The following STAG1 variants were observed in gnomAD, a reference collection of about 807,000 sequenced individuals.
STAG1 encodes the protein STAG1 cohesin complex component.
In STAG1, 26 loss-of-function variants were observed where a neutral mutation model predicts 170.9. The observed-to-expected ratio is 0.15, with a 90% CI of 0.11 to 0.21. The LOEUF (loss-of-function observed/expected upper bound fraction) is 0.21, where lower values mean the gene tolerates loss of function less well. Among genes scored for constraint, STAG1 ranks in the 10% least tolerant of loss-of-function variants. STAG1 has a pLI of 1.00. For synonymous variants in STAG1, 514 were observed against 497.7 expected (o/e 1.03, Z -0.44); for missense variants, 964 against 1,509.5 (o/e 0.64, Z 5.99).
intron 31 of STAG1, among the ~76,000 whole-genome samples, chr3:136,341,038 A>C (rs984552897): frequency 1.3e-5 from 2 of 152,056 alleles, no homozygotes; most frequent in Non-Finnish European, 2.9e-5. Context: ...CCTCCTGAGT[A>C]GCTGGGATTA....
chr3:136,662,245 G>A (rs1456838928), intron 1 of STAG1, among the ~76,000 whole-genome samples: 2 of 150,876 alleles, frequency 1.3e-5, no homozygotes, highest in South Asian at 2.1e-4. Flanking sequence ...TCTGCCTCCT[G>A]GGTTCAAACG....
chr3:136,643,570 G>A (rs369194391), intron 1 of STAG1, among the ~76,000 whole-genome samples: 6 of 152,054 alleles, frequency 3.9e-5, no homozygotes, highest in Non-Finnish European at 8.8e-5. Flanking sequence ...GTGCAACAGC[G>A]CAATCTCAGC....
At chr3:136,537,557 G>A (rs1935698122) in intron 6 of STAG1, among the ~76,000 whole-genome samples, 1 of 149,532 alleles carries the variant, frequency 6.7e-6, no homozygotes, top group Non-Finnish European at 1.5e-5. Context: ...CTGGAGTGTG[G>A]TGGCGTGATC....
intron 30 of STAG1, among the ~76,000 whole-genome samples, chr3:136,342,610 T>C (rs1014518042): frequency 6.6e-6 from 1 of 152,272 alleles, no homozygotes; most frequent in Non-Finnish European, 1.5e-5. Context: ...GCCTCCTGAA[T>C]AGTTGGGATC....
At chr3:136,651,031 G>C (rs756709320) in intron 1 of STAG1, among the ~76,000 whole-genome samples, 87 of 151,970 alleles carry the variant, frequency 5.7e-4, no homozygotes, top group Non-Finnish European at 5.3e-4. Flanking sequence ...GATGACAATG[G>C]ATCGTTCTGT....
intron 1 of STAG1, among the ~76,000 whole-genome samples, chr3:136,672,074 C>T (rs1046280847): frequency 1.1e-4 from 17 of 152,158 alleles, no homozygotes; most frequent in African/African-American, 4.1e-4. Flanking sequence ...AAATAAATAT[C>T]CAGAAACATT....
At chr3:136,403,224 TAAAAAAAAAAAAAAAA>T (rs55678408) in intron 21 of STAG1, among the ~76,000 whole-genome samples, 5 of 33,602 alleles carry the variant, frequency 1.5e-4, no homozygotes, top group African/African-American at 3.0e-4. Context: ...GAGACTGTCT[TAAAAAAAAAAAAAAAA>T]AAAAAAAAAA....
intron 29 of STAG1, among the ~76,000 whole-genome samples, chr3:136,346,739 A>G (rs1056301051): frequency 2.6e-5 from 4 of 152,248 alleles, no homozygotes; most frequent in Non-Finnish European, 4.4e-5. Context: ...AAATGATATA[A>G]CGCATGTTAA....
intron 3 of STAG1, among the ~76,000 whole-genome samples, chr3:136,616,553 A>G (rs1939606235): frequency 6.6e-6 from 1 of 152,204 alleles, no homozygotes; most frequent in African/African-American, 2.4e-5. Flanking sequence ...TTAAGCTCCA[A>G]AAAAATTTTT....
chr3:136,622,983 G>A (rs1939934600), intron 3 of STAG1, among the ~76,000 whole-genome samples, 163 bp downstream of exon 3: 1 of 152,100 alleles, frequency 6.6e-6, no homozygotes, highest in Admixed American at 6.6e-5. Context: ...TCCTTTTTCT[G>A]ATCACTGCCA....
At chr3:136,579,957 A>ATTT (rs1162464973) in intron 4 of STAG1, among the ~76,000 whole-genome samples, 4 of 95,626 alleles carry the variant, frequency 4.2e-5, no homozygotes, top group Admixed American at 2.0e-4. Context: ...ATACCATCTG[A>ATTT]ATTTTTTTTT....
At chr3:136,408,913 G>A (rs2087554573) in intron 21 of STAG1, among the ~76,000 whole-genome samples, 1 of 152,114 alleles carries the variant, frequency 6.6e-6, no homozygotes, top group Non-Finnish European at 1.5e-5. Context: ...GCTCAGTCAT[G>A]GAAATAAGTG....
chr3:136,489,784 A>G (rs1576523751), intron 9 of STAG1, among the ~76,000 whole-genome samples: 1 of 152,256 alleles, frequency 6.6e-6, no homozygotes, highest in South Asian at 2.1e-4. Flanking sequence ...ACTTGAGAAT[A>G]GAGACCCTAA....
intron 14 of STAG1, 135 bp from the exon 15 acceptor site, chr3:136,443,539 AAT>A: frequency 1.6e-6 from 1 of 627,974 alleles, no homozygotes; most frequent in Non-Finnish European, 2.7e-6. Flanking sequence ...CTTAGAGAAC[AAT>A]ATATATATTC....
intron 29 of STAG1, among the ~76,000 whole-genome samples, chr3:136,347,015 T>A (rs1936248684): frequency 6.6e-6 from 1 of 150,720 alleles, no homozygotes; most frequent in South Asian, 2.1e-4. Flanking sequence ...GGAGGATTGC[T>A]TGAGCCAGGG....
At chr3:136,474,507 G>C (rs538098530) in intron 10 of STAG1, among the ~76,000 whole-genome samples, 75 of 152,296 alleles carry the variant, frequency 4.9e-4, no homozygotes, top group Non-Finnish European at 3.2e-4. Flanking sequence ...CTGAGGAATA[G>C]GGTTCTGATT....
chr3:136,650,401 A>G (rs563829409), intron 1 of STAG1, among the ~76,000 whole-genome samples: 4 of 152,238 alleles, frequency 2.6e-5, no homozygotes, highest in Non-Finnish European at 4.4e-5. Flanking sequence ...ATTTCTAAAC[A>G]GTGAAATTAA....
intron 4 of STAG1, among the ~76,000 whole-genome samples, chr3:136,571,742 A>G (rs1157565936): frequency 6.6e-6 from 1 of 151,846 alleles, no homozygotes; most frequent in African/African-American, 2.4e-5. Context: ...TTAGTGAGGA[A>G]TGGTGGCACG....
At chr3:136,629,402 T>C (rs1345315416) in intron 2 of STAG1, among the ~76,000 whole-genome samples, 1 of 151,850 alleles carries the variant, frequency 6.6e-6, no homozygotes, top group Non-Finnish European at 1.5e-5. Context: ...CAGAAGTGTA[T>C]AAGTACAAAG....
Sources: gnomAD v4.1 joint callset for allele counts (sites outside exome capture counted in the v4.1 genomes callset) on GRCh38, gnomAD v4.1.1 for gene constraint, MANE v1.5 for transcripts, NCBI Gene and HGNC (gene_info 2026-07-23, HGNC 2026-07-21) for gene names.